Variants in GPC6 observed in about 807,000 individuals in gnomAD.
GPC6 encodes glypican-6.
In GPC6, 14 loss-of-function variants were observed where a neutral mutation model predicts 55.2. The ratio of observed to expected loss-of-function variants is 0.25; its 90% CI spans 0.17 to 0.40. The LOEUF is 0.40. GPC6 is among the 10% of genes least tolerant of loss of function. The probability of loss-of-function intolerance (pLI) is 1.00; values close to 1 mark genes in which losing one functional copy is unlikely to be tolerated. For synonymous variants in GPC6, 278 were observed against 259.6 expected (o/e 1.07, Z -0.68); for missense variants, 641 against 708.5 (o/e 0.90, Z 1.08).
intron 1 of GPC6, among the ~76,000 whole-genome samples, chr13:93,499,701 G>T (rs1224338210): frequency 6.6e-6 from 1 of 152,142 alleles, no homozygotes; most frequent in South Asian, 2.1e-4. Flanking sequence ...CTGATTTCTG[G>T]CACTTCCTTG....
At chr13:93,673,823 T>A (rs1340537106) in intron 2 of GPC6, among the ~76,000 whole-genome samples, 1 of 152,160 alleles carries the variant, frequency 6.6e-6, no homozygotes, top group Non-Finnish European at 1.5e-5. Flanking sequence ...GGCTTTTCAA[T>A]TTTTATTTTT....
At chr13:93,615,589 T>G (rs10219906) in intron 2 of GPC6, among the ~76,000 whole-genome samples, 10,571 of 152,166 alleles carry the variant, frequency 0.069, 1,193 homozygotes, top group African/African-American at 0.23. Flanking sequence ...TCAACATAGT[T>G]ATCCTGGAAA....
chr13:94,175,935 GCCAT>G (rs1888735693), intron 4 of GPC6, among the ~76,000 whole-genome samples: 1 of 99,066 alleles, frequency 1.0e-5, no homozygotes, highest in African/African-American at 3.5e-5. Context: ...ATCCAAATGA[GCCAT>G]ATATATATAT....
At chr13:94,321,652 A>T (rs531321855) in intron 6 of GPC6, among the ~76,000 whole-genome samples, 6 of 152,288 alleles carry the variant, frequency 3.9e-5, no homozygotes, top group African/African-American at 1.4e-4. Context: ...TCTGTTTCTG[A>T]TAAATATTCT....
chr13:94,123,686 C>A (rs779838099), intron 4 of GPC6, among the ~76,000 whole-genome samples: 11 of 151,818 alleles, frequency 7.2e-5, no homozygotes, highest in Non-Finnish European at 1.6e-4. Flanking sequence ...TGTATGCATG[C>A]ACGCATATGT....
At chr13:93,245,444 C>G (rs548676977) in intron 1 of GPC6, among the ~76,000 whole-genome samples, 1 of 152,244 alleles carries the variant, frequency 6.6e-6, no homozygotes, top group South Asian at 2.1e-4. Flanking sequence ...CAGTGAGCTT[C>G]CTAAACTTTA....
rs58445785 is a variant in GPC6 at position 93,518,950 on chromosome 13, G to A, written c.161-26313G>A. Among the ~76,000 whole-genome samples the A allele has an allele frequency of 4.9e-3, 744 of 151,984 alleles. 2 individuals are homozygous for A. Among genetic ancestry groups the A allele is most frequent in the African/African-American group, 0.017 (690 of 41,502 alleles). On this transcript the variant is annotated intron_variant, in intron 1 of 8. Coordinates refer to ENST00000377047, the MANE Select transcript of GPC6 (RefSeq NM_005708.5). ...GTTTGCACACAGTATTAGTAAATAA[G>A]GTTTTATTGGAACATAGCCACACTA...
intron 2 of GPC6, among the ~76,000 whole-genome samples, chr13:93,630,452 C>T (rs894839472): frequency 3.3e-5 from 5 of 152,114 alleles, no homozygotes; most frequent in Non-Finnish European, 7.3e-5. Context: ...GCCAAGCATA[C>T]AGTAGGTATT....
chr13:93,876,941 G>T (rs1351255774), intron 3 of GPC6, among the ~76,000 whole-genome samples: 1 of 151,958 alleles, frequency 6.6e-6, no homozygotes, highest in African/African-American at 2.4e-5. Flanking sequence ...CCTCTTGATT[G>T]GAGATCATTT....
rs576912108 is a variant in GPC6 at position 93,630,100 on chromosome 13, A to G, written c.319+84679A>G. On this transcript the variant is annotated intron_variant, in intron 2 of 8. Coordinates refer to ENST00000377047, the MANE Select transcript of GPC6 (RefSeq NM_005708.5). The stretch of plus-strand genomic sequence containing the variant: ...AAAGTTAGGTGTTACTATCATTACT[A>G]TATGTCCAGAACTTACTGGGTTCTT... 7.9e-5 allele frequency among the ~76,000 whole-genome samples: 12 copies of G among 152,356 alleles called. No individual in the cohort carries two copies. In the South Asian group the frequency reaches 1.0e-3, roughly 13 times the overall value.
chr13:94,062,885 G>A (rs921903941), intron 4 of GPC6, among the ~76,000 whole-genome samples: 12 of 152,132 alleles, frequency 7.9e-5, no homozygotes, highest in Admixed American at 1.3e-4. Flanking sequence ...ATCTTTAACC[G>A]GATGAATACC....
At chr13:94,339,443 CTT>C (rs1488837352) in intron 6 of GPC6, among the ~76,000 whole-genome samples, 1 of 152,166 alleles carries the variant, frequency 6.6e-6, no homozygotes, top group Non-Finnish European at 1.5e-5. Flanking sequence ...TAACTTATCT[CTT>C]TGACTGCTCA....
chr13:94,207,803 G>A (rs1285970764), intron 4 of GPC6, among the ~76,000 whole-genome samples: 3 of 152,138 alleles, frequency 2.0e-5, no homozygotes, highest in African/African-American at 7.2e-5. Context: ...TGGGCAAACT[G>A]TTGTTCTCTT....
intron 1 of GPC6, among the ~76,000 whole-genome samples, chr13:93,446,742 T>G (rs115491433): frequency 6.6e-6 from 1 of 152,204 alleles, no homozygotes; most frequent in Non-Finnish European, 1.5e-5. Flanking sequence ...GCTGTTAGAT[T>G]CGATGTTTGC....
chr13:93,342,435 C>T (rs1880291707), intron 1 of GPC6, among the ~76,000 whole-genome samples: 1 of 152,112 alleles, frequency 6.6e-6, no homozygotes, highest in South Asian at 2.1e-4. Context: ...TGCAGGAGAA[C>T]TGCCCTTTAT....
intron 2 of GPC6, among the ~76,000 whole-genome samples, chr13:93,672,289 G>T (rs1881393225): frequency 1.3e-5 from 2 of 151,126 alleles, no homozygotes; most frequent in Non-Finnish European, 2.9e-5. Flanking sequence ...CAAATGTATT[G>T]CAGCTCATAT....
At chr13:94,310,878 C>A (rs1387720253) in intron 6 of GPC6, among the ~76,000 whole-genome samples, 1 of 152,126 alleles carries the variant, frequency 6.6e-6, no homozygotes, top group Non-Finnish European at 1.5e-5. Flanking sequence ...ACTAGCTCTT[C>A]CCTGTTAGAA....
chr13:93,523,234 CAT>C (rs1341003211), intron 1 of GPC6, among the ~76,000 whole-genome samples: 2 of 138,880 alleles, frequency 1.4e-5, no homozygotes, highest in African/African-American at 5.2e-5. Flanking sequence ...CATATATACA[CAT>C]ATGTACATAT....
At position 94,199,436 on chromosome 13, in the gene GPC6, A is replaced by G. The variant is rs573607794; in HGVS notation, c.878-86913A>G. Reference sequence around the variant, plus strand: ...CATAACCAGCTGCTTGCACCTCCCCATCTTTAGTCACACAATTCCTATGAG... The same window carrying G: ...CATAACCAGCTGCTTGCACCTCCCCGTCTTTAGTCACACAATTCCTATGAG... On this transcript the variant is annotated intron_variant, in intron 4 of 8. Transcript: ENST00000377047. Among the ~76,000 whole-genome samples the G allele has an allele frequency of 3.9e-5, 6 of 152,254 alleles. No homozygotes were observed. In the South Asian group the frequency reaches 1.2e-3, roughly 32 times the overall value.
Sources: gnomAD v4.1 joint callset for allele counts (sites outside exome capture counted in the v4.1 genomes callset) on GRCh38, gnomAD v4.1.1 for gene constraint, MANE v1.5 for transcripts, NCBI Gene and HGNC (gene_info 2026-07-23, HGNC 2026-07-21) for gene names.